Variants in OCM observed in about 807,000 individuals in gnomAD.
OCM encodes the protein oncomodulin-1.
OCM carries 18 observed loss-of-function variants against 14.1 expected under a neutral mutation model. The observed-to-expected ratio is 1.28, with a 90% CI of 0.88 to 1.89. The LOEUF (loss-of-function observed/expected upper bound fraction) is 1.89. Ranked by LOEUF, OCM falls within the 40% of genes most tolerant of loss-of-function variation. OCM has a pLI of 0.00. For missense variants in OCM, 140 were observed against 137.6 expected, an observed-to-expected ratio of 1.02 and a Z score of -0.09; for synonymous variants, 48 against 51.0, an observed-to-expected ratio of 0.94 and a Z score of 0.25.
the OCM span, among the ~76,000 whole-genome samples, chr7:5,865,816 A>G: frequency 1.2e-4 from 18 of 152,144 alleles, no homozygotes; most frequent in Admixed American, 1.1e-3. Flanking sequence ...CATTTAATAC[A>G]TAGGTAACAA....
At chr7:5,865,676 C>A in the OCM span, among the ~76,000 whole-genome samples, 4 of 152,276 alleles carry the variant, frequency 2.6e-5, no homozygotes, top group South Asian at 8.3e-4. Flanking sequence ...CATGAATCAC[C>A]TCTAGCGATG....
chr7:5,886,200 C>A lies in OCM; in HGVS notation c.*111C>A. On this transcript the variant is annotated 3_prime_UTR_variant, in exon 4 of 4. Coordinates refer to ENST00000242104, the MANE Select transcript of OCM (RefSeq NM_001097622.2). ...ATCCCTACCTAATTTGTTAATTTTC[C>A]CTGAAAACCTTCTGCAGTTTGCTCA... 2 of 1,304,234 alleles carry A rather than the reference C, an allele frequency of 1.5e-6. No individual in the cohort carries two copies. Among genetic ancestry groups the A allele is most frequent in the South Asian group, 1.3e-5 (1 of 78,090 alleles). 80.8% of individuals were successfully genotyped at this position (1,304,234 alleles called of 1,614,324 possible). A position where few individuals can be genotyped will look rare whatever the true frequency, so the allele number is the denominator to read the frequency against.
the OCM span, among the ~76,000 whole-genome samples, chr7:5,865,037 C>T: frequency 7.2e-5 from 11 of 152,212 alleles, no homozygotes; most frequent in South Asian, 2.1e-3. Context: ...AGACAGCGGG[C>T]AGCAGCTGTA....
At chr7:5,872,744 CCGCAGGGTCCT>C in the OCM span, among the ~76,000 whole-genome samples, 1 of 152,136 alleles carries the variant, frequency 6.6e-6, no homozygotes, top group Non-Finnish European at 1.5e-5. Flanking sequence ...CTGCCGAAGG[CCGCAGGGTCCT>C]CTGCCTAGGA....
the OCM span, among the ~76,000 whole-genome samples, chr7:5,870,104 AT>A: frequency 6.7e-6 from 1 of 150,242 alleles, no homozygotes; most frequent in East Asian, 2.2e-4. Context: ...TTTTTATTTT[AT>A]TTTATTTTAT....
chr7:5,864,746 G>A, the OCM span, among the ~76,000 whole-genome samples: 77 of 152,058 alleles, frequency 5.1e-4, no homozygotes, highest in African/African-American at 1.8e-3. Context: ...CCTGAGGTTG[G>A]GAGTTTGAGA....
At chr7:5,859,978 G>A in the OCM span, among the ~76,000 whole-genome samples, 3 of 151,980 alleles carry the variant, frequency 2.0e-5, no homozygotes, top group Middle Eastern at 3.2e-3. Context: ...GTGAGCCACC[G>A]CGCCCAGCCA....
At chr7:5,884,039 C>T (rs762027699) in intron 3 of OCM, 40 bp downstream of exon 3, 2 of 1,606,144 alleles carry the variant, frequency 1.2e-6, no homozygotes, top group East Asian at 2.2e-5. Context: ...CACTCTAGCT[C>T]AGGAAGCATC....
At position 5,886,276 on chromosome 7, in the gene OCM, G is replaced by T; in HGVS notation, c.*187G>T. ...TCACTCCTGACTTTCTTGGTGGTGG[G>T]TATATGCCCTGACAACTTCTGTAAG... On this transcript the variant is annotated 3_prime_UTR_variant, in exon 4 of 4. Transcript: ENST00000242104. 2 of 721,900 alleles carry T rather than the reference G, an allele frequency of 2.8e-6. No individual in the cohort carries two copies. Among genetic ancestry groups the T allele is most frequent in the Admixed American group, 5.7e-5 (2 of 35,128 alleles). 44.7% of individuals were successfully genotyped at this position (721,900 alleles called of 1,614,324 possible).
At chr7:5,880,328 AT>A (rs113866827), upstream of OCM, among the ~76,000 whole-genome samples, 4,001 of 149,858 alleles carry the variant, frequency 0.027, 184 homozygotes, top group African/African-American at 0.091. Context: ...TCTTTGGGTC[AT>A]TTTTTTTTTC....
the OCM span, among the ~76,000 whole-genome samples, chr7:5,867,853 C>G: frequency 6.6e-6 from 1 of 151,932 alleles, no homozygotes; most frequent in South Asian, 2.1e-4. Context: ...CCTTGACCTC[C>G]TGGGCCCAGG....
At chr7:5,870,594 G>A in the OCM span, among the ~76,000 whole-genome samples, 1 of 152,204 alleles carries the variant, frequency 6.6e-6, no homozygotes, top group Non-Finnish European at 1.5e-5. Context: ...CTGAAGGCTG[G>A]TACATTCTGG....
At chr7:5,885,409 A>G (rs1436427747) in intron 3 of OCM, among the ~76,000 whole-genome samples, 1 of 152,148 alleles carries the variant, frequency 6.6e-6, no homozygotes, top group Non-Finnish European at 1.5e-5. Flanking sequence ...AAAAAGTTAA[A>G]TGTTCACAGA....
chr7:5,880,821 T>A lies in OCM; in HGVS notation c.-69T>A. 6.8e-7 allele frequency: 1 copy of A among 1,464,362 alleles called. No homozygotes were observed. The highest frequency in any genetic ancestry group is 2.3e-5 in the East Asian group (1 of 43,836). 90.7% of individuals were successfully genotyped at this position (1,464,362 alleles called of 1,614,324 possible). A position where few individuals can be genotyped will look rare whatever the true frequency, so the allele number is the denominator to read the frequency against. ...TTCAGTGGGCCTGGGAAGATGTGTT[T>A]CCCCTGGATGTGCACATTCCTGTTT... On this transcript the variant is annotated 5_prime_UTR_variant, in exon 1 of 4. Transcript: ENST00000242104.
rs1355005176 is a variant in OCM, at chr7:5,885,592, T to A, written c.305-472T>A. Among the ~76,000 whole-genome samples, 4 of 151,702 alleles carry A rather than the reference T, an allele frequency of 2.6e-5. No individual in the cohort carries two copies. The South Asian group carries it at 6.2e-4, about 24-fold the overall frequency. On this transcript the variant is annotated intron_variant, in intron 3 of 3. Transcript: ENST00000242104. ...AGATATAGTCATTGATACCCAGGGT[T>A]TTTTTTTCTTTCTTTCTTTCCTTTT...
the OCM span, among the ~76,000 whole-genome samples, chr7:5,862,713 G>T: frequency 6.6e-6 from 1 of 151,786 alleles, no homozygotes; most frequent in Non-Finnish European, 1.5e-5. Flanking sequence ...GATTCACTGG[G>T]CTTAGGATGA....
upstream of OCM, among the ~76,000 whole-genome samples, chr7:5,878,468 C>G (rs556682648): frequency 1.3e-5 from 2 of 149,836 alleles, no homozygotes; most frequent in African/African-American, 2.4e-5. Context: ...TAAGATTGGC[C>G]GGGCGCGGTG....
At chr7:5,883,294 T>C (rs1265985643) in intron 2 of OCM, among the ~76,000 whole-genome samples, 1 of 152,184 alleles carries the variant, frequency 6.6e-6, no homozygotes, top group African/African-American at 2.4e-5. Flanking sequence ...GAGGTTGCAG[T>C]GAGCCCAGAT....
chr7:5,859,980 G>A, the OCM span, among the ~76,000 whole-genome samples: 1 of 151,886 alleles, frequency 6.6e-6, no homozygotes, highest in African/African-American at 2.4e-5. Context: ...GAGCCACCGC[G>A]CCCAGCCAGT....
Sources: allele counts gnomAD v4.1 joint callset (sites outside exome capture counted in the v4.1 genomes callset), GRCh38; gene constraint gnomAD v4.1.1; transcripts MANE v1.5; gene names NCBI Gene and HGNC (gene_info 2026-07-23, HGNC 2026-07-21).